MTCL2: variants seen among roughly 807,000 people sequenced by gnomAD.
MTCL2 encodes microtubule cross-linking factor 2.
At chr20:36,853,335 A>T in the MTCL2 span, among the ~76,000 whole-genome samples, 1 of 152,162 alleles carries the variant, frequency 6.6e-6, no homozygotes, top group Non-Finnish European at 1.5e-5. Flanking sequence ...TGGGAGAGGA[A>T]CCTCACAGAG....
the MTCL2 span, among the ~76,000 whole-genome samples, chr20:36,820,311 T>C: frequency 5.9e-5 from 9 of 152,156 alleles, no homozygotes; most frequent in African/African-American, 2.2e-4. Flanking sequence ...GCCAGGGGTC[T>C]GCATAGGTAC....
the MTCL2 span, among the ~76,000 whole-genome samples, chr20:36,789,988 A>AT: frequency 0.041 from 4,574 of 110,702 alleles, 419 homozygotes; most frequent in African/African-American, 0.13. Context: ...TAATTTTTGT[A>AT]TTTTTTTTTT....
chr20:36,809,854 G>A, the MTCL2 span: 21 of 1,199,506 alleles, frequency 1.8e-5, no homozygotes, highest in Middle Eastern at 2.9e-4. Flanking sequence ...GATTACAGGC[G>A]TGAGCCACCA....
At chr20:36,785,394 T>A in the MTCL2 span, 1 of 984,088 alleles carries the variant, frequency 1.0e-6, no homozygotes, top group African/African-American at 1.7e-5. Flanking sequence ...GTAAACCACC[T>A]TAAATATTTA....
the MTCL2 span, among the ~76,000 whole-genome samples, chr20:36,821,328 C>T: frequency 2.0e-5 from 3 of 152,086 alleles, no homozygotes; most frequent in South Asian, 6.2e-4. Flanking sequence ...TCAAGACCAG[C>T]CTAACCAACA....
At chr20:36,787,884 T>C in the MTCL2 span, among the ~76,000 whole-genome samples, 2 of 107,272 alleles carry the variant, frequency 1.9e-5, no homozygotes, top group Non-Finnish European at 3.6e-5. Context: ...AGACTCCATC[T>C]GAAAAAAAAA....
chr20:36,850,188 ACT>A, the MTCL2 span, among the ~76,000 whole-genome samples: 1 of 151,770 alleles, frequency 6.6e-6, no homozygotes, highest in East Asian at 1.9e-4. Flanking sequence ...CTCCCATGGG[ACT>A]CTGTACTGCC....
At chr20:36,859,502 T>C in the MTCL2 span, 2 of 976,310 alleles carry the variant, frequency 2.0e-6, no homozygotes, top group Non-Finnish European at 2.6e-6. Context: ...CCACAAACCC[T>C]CTATCTTTAT....
chr20:36,820,480 C>T, the MTCL2 span, among the ~76,000 whole-genome samples: 9 of 152,150 alleles, frequency 5.9e-5, no homozygotes, highest in Non-Finnish European at 1.3e-4. Context: ...AATATGTCCA[C>T]CAACTTTAGA....
chr20:36,844,516 A>G, the MTCL2 span, among the ~76,000 whole-genome samples: 1 of 152,288 alleles, frequency 6.6e-6, no homozygotes, highest in East Asian at 1.9e-4. Flanking sequence ...CTGTAATCCC[A>G]GCACTTTGGG....
At chr20:36,794,990 G>A in the MTCL2 span, among the ~76,000 whole-genome samples, 1 of 151,580 alleles carries the variant, frequency 6.6e-6, no homozygotes, top group Non-Finnish European at 1.5e-5. The surrounding 1 kb of genome is among the most constrained non-coding windows in gnomAD (Gnocchi z 5.4). Flanking sequence ...CCAGGCTGGA[G>A]TGCAGTGGCA....
the MTCL2 span, among the ~76,000 whole-genome samples, chr20:36,787,292 A>T: frequency 6.6e-6 from 1 of 151,756 alleles, no homozygotes; most frequent in Non-Finnish European, 1.5e-5. Context: ...CAGTGGTACG[A>T]TCTTGACTCA....
the MTCL2 span, among the ~76,000 whole-genome samples, chr20:36,827,022 C>A: frequency 2.1e-4 from 30 of 144,306 alleles, no homozygotes; most frequent in African/African-American, 7.1e-4. Flanking sequence ...TATCATCCTG[C>A]TTTATTTATT....
chr20:36,863,315 G>T, the MTCL2 span: 2 of 1,182,650 alleles, frequency 1.7e-6, no homozygotes, highest in South Asian at 4.2e-5. This position sits in a 1 kb window ranked among gnomAD's most constrained non-coding sequence, Gnocchi z 6.2. Context: ...CGCAGCCCCG[G>T]ACCGGGGGCT....
At chr20:36,786,412 C>T in the MTCL2 span, 16 of 1,446,162 alleles carry the variant, frequency 1.1e-5, no homozygotes, top group East Asian at 1.0e-4. Flanking sequence ...CGCCTCACCT[C>T]GTCTCGTCTC....
the MTCL2 span, chr20:36,812,735 C>A: frequency 1.2e-6 from 2 of 1,614,014 alleles, no homozygotes; most frequent in Admixed American, 1.7e-5. Flanking sequence ...GTCTTCAGCT[C>A]GGTAAGGCCT....
chr20:36,799,494 AAAAT>A, the MTCL2 span, among the ~76,000 whole-genome samples: 639 of 147,108 alleles, frequency 4.3e-3, 1 homozygote, highest in African/African-American at 8.9e-3. Flanking sequence ...CTCCATCTCA[AAAAT>A]AAATAAATAA....
At chr20:36,800,904 C>A in the MTCL2 span, among the ~76,000 whole-genome samples, 3 of 152,188 alleles carry the variant, frequency 2.0e-5, no homozygotes, top group Non-Finnish European at 4.4e-5. Flanking sequence ...TAGAAGGCGG[C>A]CTGGCAGTTA....
At chr20:36,841,871 T>TGG in the MTCL2 span, among the ~76,000 whole-genome samples, 27,439 of 105,438 alleles carry the variant, frequency 0.26, 3,293 homozygotes, top group East Asian at 0.48. Flanking sequence ...GGGTGGGGGG[T>TGG]GGGGTGTGTG....
Sources: gnomAD v4.1 joint callset for allele counts (sites outside exome capture counted in the v4.1 genomes callset) on GRCh38, gnomAD v4.1.1 for gene constraint, Gnocchi (gnomAD v3.1) non-coding constraint, MANE v1.5 for transcripts, NCBI Gene and HGNC (gene_info 2026-07-23, HGNC 2026-07-21) for gene names.